Variants in SFT2D1 observed in about 807,000 individuals in gnomAD.
The protein encoded by SFT2D1 is vesicle transport protein SFT2A.
Under a neutral mutation model 28.1 loss-of-function variants are expected in SFT2D1, and 24 were observed. The observed-to-expected ratio is 0.85, with a 90% CI of 0.62 to 1.20. SFT2D1 has a LOEUF of 1.20. SFT2D1 is among the 50% of genes most tolerant of loss of function. The pLI, the probability that SFT2D1 is intolerant of heterozygous loss-of-function variation, is 0.00. For missense variants in SFT2D1, 181 were observed against 190.9 expected, an observed-to-expected ratio of 0.95 and a Z score of 0.31; for synonymous variants, 82 against 73.7, an observed-to-expected ratio of 1.11 and a Z score of -0.58.
chr6:166,326,195 A>C, intron 4 of SFT2D1, 28 bp from the exon 5 acceptor site: 1 of 1,602,486 alleles, frequency 6.2e-7, no homozygotes, highest in Admixed American at 1.7e-5. Context: ...GTAGATTATA[A>C]GTTTGAGATC....
chr6:166,336,517 T>C (rs1469382244), intron 1 of SFT2D1, among the ~76,000 whole-genome samples: 1 of 152,196 alleles, frequency 6.6e-6, no homozygotes, highest in East Asian at 1.9e-4. Context: ...CAGACACTTA[T>C]TTCTCTCAGT....
intron 1 of SFT2D1, among the ~76,000 whole-genome samples, chr6:166,332,384 A>G (rs1583039423): frequency 6.6e-6 from 1 of 152,182 alleles, no homozygotes; most frequent in Non-Finnish European, 1.5e-5. Context: ...TCTCCCAATT[A>G]GCTGGGACTA....
At chr6:166,337,135 A>G (rs1251867968) in intron 1 of SFT2D1, among the ~76,000 whole-genome samples, 1 of 152,222 alleles carries the variant, frequency 6.6e-6, no homozygotes, top group Non-Finnish European at 1.5e-5. Flanking sequence ...GGGGAGGTGC[A>G]GTCAAGGTCC....
At chr6:166,333,383 A>G (rs1006400345) in intron 1 of SFT2D1, among the ~76,000 whole-genome samples, 2 of 152,074 alleles carry the variant, frequency 1.3e-5, no homozygotes, top group Non-Finnish European at 2.9e-5. Flanking sequence ...CACTCCACTC[A>G]GTGACCCAGC....
At chr6:166,328,178 T>TA (rs928632606) in intron 4 of SFT2D1, 98 bp downstream of exon 4, 33 of 521,220 alleles carry the variant, frequency 6.3e-5, no homozygotes, top group African/African-American at 5.2e-4. Flanking sequence ...AAAATAAAAA[T>TA]AAAAAAAGAA....
At chr6:166,330,838 T>A (rs1284538989) in intron 1 of SFT2D1, among the ~76,000 whole-genome samples, 1 of 152,162 alleles carries the variant, frequency 6.6e-6, no homozygotes, top group Non-Finnish European at 1.5e-5. Context: ...CTGCACCCCA[T>A]GGAGGGTAGA....
At chr6:166,328,457 T>C (rs564326287) in intron 3 of SFT2D1, 100 bp from the exon 4 acceptor site, 42 of 675,292 alleles carry the variant, frequency 6.2e-5, no homozygotes, top group African/African-American at 6.0e-4. Flanking sequence ...TGTTGCTTTA[T>C]TTAATTAAAA....
chr6:166,323,737 G>C (rs2114891063), intron 6 of SFT2D1: 1 of 152,304 alleles, frequency 6.6e-6, no homozygotes, highest in Admixed American at 6.5e-5. Context: ...GAAATGATAG[G>C]AACTAGAAAT....
rs112403592 is a variant in SFT2D1 at position 166,328,615 on chromosome 6, C to T, written c.234-258G>A. Among the ~76,000 whole-genome samples, 649 of 152,288 alleles carry T rather than the reference C, an allele frequency of 4.3e-3. 2 individuals are homozygous for T. The highest frequency in any genetic ancestry group is 0.017 in the Middle Eastern group (5 of 294). ...AAGACCGGACTAGGCTGTGAGAACT[C>T]CTCCCTTTGAAAGGGATCAAAGGCC... is the stretch of plus-strand genomic sequence containing the variant. On this transcript the variant is annotated intron_variant, in intron 3 of 7. Transcript: ENST00000361731.
chr6:166,329,284 A>G (rs1778506522), intron 3 of SFT2D1, among the ~76,000 whole-genome samples: 1 of 152,208 alleles, frequency 6.6e-6, no homozygotes, highest in Admixed American at 6.5e-5. Context: ...CCAGACACAC[A>G]TTAAGTGCCC....
intron 1 of SFT2D1, among the ~76,000 whole-genome samples, chr6:166,338,688 C>T (rs759522787): frequency 2.0e-5 from 3 of 151,858 alleles, no homozygotes; most frequent in South Asian, 2.1e-4. Flanking sequence ...GGTGGGGAGG[C>T]GGGCCGACAA....
At chr6:166,330,054 A>T in intron 2 of SFT2D1, 107 bp downstream of exon 2, 1 of 766,954 alleles carries the variant, frequency 1.3e-6, no homozygotes, top group Admixed American at 3.6e-5. Context: ...CTTCCACCAA[A>T]ATGGTCTAAC....
chr6:166,330,104 G>C, intron 2 of SFT2D1, 57 bp downstream of exon 2: 1 of 1,316,210 alleles, frequency 7.6e-7, no homozygotes, highest in African/African-American at 1.5e-5. Flanking sequence ...GTACTAAATG[G>C]AATTATTAGT....
At chr6:166,333,910 C>T (rs1348694558) in intron 1 of SFT2D1, among the ~76,000 whole-genome samples, 1 of 152,080 alleles carries the variant, frequency 6.6e-6, no homozygotes, top group Non-Finnish European at 1.5e-5. Flanking sequence ...CACCAAACCA[C>T]CAAACCACCA....
At chr6:166,340,481 C>T (rs1214985546) in intron 1 of SFT2D1, among the ~76,000 whole-genome samples, 2 of 152,204 alleles carry the variant, frequency 1.3e-5, no homozygotes, top group East Asian at 1.9e-4. Context: ...TTCTCTGCCC[C>T]GCTGCTAGAG....
At chr6:166,341,500 C>T (rs539248923) in intron 1 of SFT2D1, among the ~76,000 whole-genome samples, 1 of 149,746 alleles carries the variant, frequency 6.7e-6, no homozygotes, top group African/African-American at 2.5e-5. Context: ...TGGTAATATA[C>T]AGAGTTACAG....
At chr6:166,321,121 AAG>A (rs1778347237) in intron 7 of SFT2D1, among the ~76,000 whole-genome samples, 2 of 152,182 alleles carry the variant, frequency 1.3e-5, no homozygotes, top group Admixed American at 6.5e-5. Context: ...AAAAAAAAAA[AAG>A]AACTAATGAA....
intron 1 of SFT2D1, among the ~76,000 whole-genome samples, chr6:166,331,210 G>T (rs185145780): frequency 6.6e-6 from 1 of 152,276 alleles, no homozygotes; most frequent in East Asian, 1.9e-4. Context: ...AACAGCAGCT[G>T]TGCAAGAAAC....
intron 2 of SFT2D1, 118 bp downstream of exon 2, chr6:166,330,043 C>T: frequency 1.5e-6 from 1 of 684,070 alleles, no homozygotes; most frequent in Non-Finnish European, 2.3e-6. Context: ...TTAATAAATA[C>T]CTTCCACCAA....
Sources: allele counts gnomAD v4.1 joint callset (sites outside exome capture counted in the v4.1 genomes callset), GRCh38; gene constraint gnomAD v4.1.1; transcripts MANE v1.5; gene names NCBI Gene and HGNC (gene_info 2026-07-23, HGNC 2026-07-21).